The following SLC13A1 variants were observed in gnomAD, a reference collection of about 807,000 sequenced individuals.
SLC13A1 encodes solute carrier family 13 member 1, also known as Na(+)/sulfate cotransporter.
A neutral mutation model predicts 70.0 loss-of-function variants in SLC13A1; 65 were observed. The observed-to-expected ratio is 0.93, with a 90% CI of 0.76 to 1.14. The LOEUF is 1.14. Among genes scored for constraint, SLC13A1 ranks in the 50% most tolerant of loss-of-function variants. SLC13A1 has a pLI of 0.00. For missense variants in SLC13A1, 726 were observed against 717.8 expected (o/e 1.01, Z -0.13); for synonymous variants, 275 against 250.5 (o/e 1.10, Z -0.92).
intron 1 of SLC13A1, among the ~76,000 whole-genome samples, chr7:123,182,893 A>G (rs1795684209): frequency 6.6e-6 from 1 of 152,156 alleles, no homozygotes; most frequent in South Asian, 2.1e-4. Context: ...ATTGAAAATA[A>G]TTGAAGAATC....
At chr7:123,185,207 T>C (rs1412147584) in intron 1 of SLC13A1, among the ~76,000 whole-genome samples, 1 of 148,202 alleles carries the variant, frequency 6.7e-6, no homozygotes, top group African/African-American at 2.4e-5. Context: ...ATGAATAGTT[T>C]GCAAATATTT....
intron 11 of SLC13A1, among the ~76,000 whole-genome samples, chr7:123,123,877 G>A (rs1793470526): frequency 6.6e-6 from 1 of 152,072 alleles, no homozygotes; most frequent in Admixed American, 6.6e-5. Flanking sequence ...AAGTTCATTT[G>A]GAGACATATT....
At chr7:123,166,128 G>C (rs1218474569) in intron 6 of SLC13A1, among the ~76,000 whole-genome samples, 1 of 152,004 alleles carries the variant, frequency 6.6e-6, no homozygotes, top group Non-Finnish European at 1.5e-5. Flanking sequence ...TGGTATTTAT[G>C]TCAGACATAT....
At position 123,169,201 on chromosome 7, in the gene SLC13A1, G is replaced by T; in HGVS notation, c.500C>A (p.Ala167Asp). 6.2e-7 allele frequency: 1 copy of T among 1,614,038 alleles called. No individual in the cohort carries two copies. Among genetic ancestry groups the T allele is most frequent in the Middle Eastern group, 1.7e-4 (1 of 6,056 alleles). The change falls in exon 4 of 15, where the codon GCC becomes GAC. Residue 167 changes from alanine to aspartate, a missense_variant. Transcript: ENST00000194130. Reference protein sequence around the residue: ...QIINAEAEVEATQMTYFNGST... With the variant: ...QIINAEAEVEDTQMTYFNGST... Reference sequence around the variant, plus strand: ...TCCGTTGAAGTAAGTCATCTGAGTGGCCTCGACCTCTGCTTCTGCATTGAT... The same window carrying T: ...TCCGTTGAAGTAAGTCATCTGAGTGTCCTCGACCTCTGCTTCTGCATTGAT...
At chr7:123,187,209 C>T (rs569914872) in intron 1 of SLC13A1, among the ~76,000 whole-genome samples, 16 of 152,218 alleles carry the variant, frequency 1.1e-4, no homozygotes, top group African/African-American at 3.9e-4. Flanking sequence ...ACCTCTTTGG[C>T]TCATTCATGG....
rs752931205 is a variant in SLC13A1, at chr7:123,169,179, G to A, written c.522C>T (p.Asn174=). 3.2e-5 allele frequency: 51 copies of A among 1,614,004 alleles called. No homozygotes were observed. The highest frequency in any genetic ancestry group is 4.2e-5 in the Non-Finnish European group (50 of 1,179,946). ...EVEATQMTYF[N]GSTNHGLEID... is the part of the protein sequence containing the mutation. Reference sequence around the variant, plus strand: ...TTTCTAGTCCGTGGTTGGTTGATCCGTTGAAGTAAGTCATCTGAGTGGCCT... The same window carrying A: ...TTTCTAGTCCGTGGTTGGTTGATCCATTGAAGTAAGTCATCTGAGTGGCCT... Residue 174 remains asparagine (N), a synonymous_variant, in exon 4 of 15, where the codon AAC becomes AAT. Transcript: ENST00000194130.
At chr7:123,146,723 T>C (rs1794365932) in intron 7 of SLC13A1, among the ~76,000 whole-genome samples, 1 of 152,174 alleles carries the variant, frequency 6.6e-6, no homozygotes, top group African/African-American at 2.4e-5. Context: ...ATCTTTCAAA[T>C]CTTTTTTGAA....
intron 8 of SLC13A1, among the ~76,000 whole-genome samples, chr7:123,130,918 T>A (rs1310542488): frequency 6.6e-6 from 1 of 152,156 alleles, no homozygotes; most frequent in Non-Finnish European, 1.5e-5. Flanking sequence ...TCTTCGAAAC[T>A]GAACAGTTTT....
intron 6 of SLC13A1, among the ~76,000 whole-genome samples, chr7:123,160,628 G>T (rs1053884916): frequency 5.3e-5 from 8 of 152,052 alleles, no homozygotes; most frequent in Non-Finnish European, 1.5e-5. Flanking sequence ...AACCTAATTA[G>T]TTAAAAATGT....
Position 123,181,084 on chromosome 7 carries a change from G to A in SLC13A1, c.117C>T (p.Tyr39=), listed in dbSNP as rs760154385. 1.2e-6 allele frequency: 2 copies of A among 1,612,410 alleles called. No individual in the cohort carries two copies. The highest frequency in any genetic ancestry group is 1.7e-6 in the Non-Finnish European group (2 of 1,178,928). ...VLHTKEAECA[Y]TLFVVATFWL... is the part of the protein sequence containing the mutation. Reference sequence around the variant, plus strand: ...AAAATGTGGCGACCACAAAGAGTGTGTAGGCACATTCTGCTTCCTGGTAAG... The same window carrying A: ...AAAATGTGGCGACCACAAAGAGTGTATAGGCACATTCTGCTTCCTGGTAAG... The change falls in exon 2 of 15, where the codon TAC becomes TAT. Residue 39 remains tyrosine, a synonymous_variant. Coordinates refer to ENST00000194130, the MANE Select transcript of SLC13A1 (RefSeq NM_022444.4).
chr7:123,181,901 A>G (rs1563352455), intron 1 of SLC13A1, among the ~76,000 whole-genome samples: 2 of 152,054 alleles, frequency 1.3e-5, no homozygotes, highest in Non-Finnish European at 2.9e-5. Context: ...AAAATTTACA[A>G]AAACTGCTGT....
At chr7:123,180,339 C>T (rs1417058993) in intron 2 of SLC13A1, among the ~76,000 whole-genome samples, 1 of 152,144 alleles carries the variant, frequency 6.6e-6, no homozygotes, top group African/African-American at 2.4e-5. Context: ...ACTGGTATCT[C>T]GAACTTAACA....
chr7:123,141,741 G>A (rs1585319696), intron 7 of SLC13A1, among the ~76,000 whole-genome samples: 3 of 151,452 alleles, frequency 2.0e-5, no homozygotes, highest in African/African-American at 7.3e-5. Context: ...TATGAGTATA[G>A]TGACTCCTGC....
At chr7:123,178,768 T>G (rs555181946) in intron 2 of SLC13A1, among the ~76,000 whole-genome samples, 1 of 152,266 alleles carries the variant, frequency 6.6e-6, no homozygotes, top group Non-Finnish European at 1.5e-5. Context: ...GGACTATGAT[T>G]TGCTGCAAGT....
intron 12 of SLC13A1, among the ~76,000 whole-genome samples, chr7:123,119,787 T>C (rs201292803): frequency 2.0e-5 from 1 of 49,998 alleles, no homozygotes; most frequent in South Asian, 7.3e-4. Flanking sequence ...CTACCAAACA[T>C]ATATTTTTTG....
At chr7:123,150,770 T>C (rs1221834473) in intron 6 of SLC13A1, among the ~76,000 whole-genome samples, 1 of 152,116 alleles carries the variant, frequency 6.6e-6, no homozygotes, top group Non-Finnish European at 1.5e-5. Context: ...GCTTTGGGTT[T>C]CTGTGATATC....
intron 6 of SLC13A1, among the ~76,000 whole-genome samples, chr7:123,147,537 C>CTT (rs1554547486): frequency 1.4e-5 from 2 of 147,764 alleles, no homozygotes; most frequent in African/African-American, 5.0e-5. Context: ...GAGCTTGATT[C>CTT]CTCTCTCTCT....
At chr7:123,179,684 C>T (rs918045918) in intron 2 of SLC13A1, among the ~76,000 whole-genome samples, 1 of 152,152 alleles carries the variant, frequency 6.6e-6, no homozygotes, top group African/African-American at 2.4e-5. Flanking sequence ...TATGTCCCTT[C>T]CCATAACAGC....
intron 1 of SLC13A1, chr7:123,186,647 C>T: frequency 2.3e-6 from 1 of 438,352 alleles, no homozygotes; most frequent in Non-Finnish European, 4.6e-6. Context: ...AAAAGAAGAC[C>T]AGTTGTCAAT....
Sources: gnomAD v4.1 joint callset for allele counts (sites outside exome capture counted in the v4.1 genomes callset) on GRCh38, gnomAD v4.1.1 for gene constraint, MANE v1.5 for transcripts, NCBI Gene and HGNC (gene_info 2026-07-23, HGNC 2026-07-21) for gene names.